Variants in ALKBH1 observed in about 807,000 individuals in gnomAD.
The protein encoded by ALKBH1 is nucleic acid dioxygenase ALKBH1.
In ALKBH1, 31 loss-of-function variants were observed where a neutral mutation model predicts 36.6. The observed-to-expected ratio is 0.85, with a 90% confidence interval of 0.64 to 1.14. The LOEUF is 1.14. Ranked by LOEUF, ALKBH1 falls within the 50% of genes most tolerant of loss-of-function variation. The pLI, the probability that ALKBH1 is intolerant of heterozygous loss-of-function variation, is 0.00. For missense variants in ALKBH1, 490 were observed against 497.3 expected (o/e 0.99, Z 0.14); for synonymous variants, 183 against 186.6 (o/e 0.98, Z 0.16).
At chr14:77,674,293 T>G in intron 5 of ALKBH1, 52 bp from the exon 6 acceptor site, 1 of 1,465,200 alleles carries the variant, frequency 6.8e-7, no homozygotes, top group Non-Finnish European at 9.0e-7. Flanking sequence ...AAATTTTGTT[T>G]ATTAACTATG....
At position 77,673,301 on chromosome 14, in the gene ALKBH1, T is replaced by C. The variant is rs1382787976; in HGVS notation, c.*511A>G. 6.5e-6 allele frequency: 1 copy of C among 155,032 alleles called. No individual in the cohort carries two copies. Among genetic ancestry groups the C allele is most frequent in the Non-Finnish European group, 1.4e-5 (1 of 69,732 alleles). 9.6% of individuals were successfully genotyped at this position (155,032 alleles called of 1,614,324 possible). On this transcript the variant is annotated 3_prime_UTR_variant, in exon 6 of 6. Transcript: ENST00000216489. ...TCCATTGTTTTCATGTGTAAAGGAT[T>C]CTTCCATGAGAGCCAGAGAGGTGGA...
intron 1 of ALKBH1, 111 bp downstream of exon 1, chr14:77,707,711 T>C (rs2080403610): frequency 7.9e-7 from 1 of 1,267,092 alleles, no homozygotes; most frequent in Non-Finnish European, 1.1e-6. Context: ...AGGTCAGGAA[T>C]CGTTCAATAA....
chr14:77,706,082 TACACACACATATATAC>T (rs1222153440), intron 1 of ALKBH1, among the ~76,000 whole-genome samples: 4 of 136,764 alleles, frequency 2.9e-5, no homozygotes, highest in African/African-American at 8.0e-5. Flanking sequence ...ATATTATATA[TACACACACATATATAC>T]ACACACACAT....
At chr14:77,689,105 T>C (rs2080284391) in intron 3 of ALKBH1, among the ~76,000 whole-genome samples, 1 of 152,238 alleles carries the variant, frequency 6.6e-6, no homozygotes, top group South Asian at 2.1e-4. Flanking sequence ...GCTATTCTCA[T>C]GTTTTTCATG....
intron 1 of ALKBH1, 119 bp downstream of exon 1, chr14:77,707,703 G>A (rs1207082625): frequency 4.2e-6 from 5 of 1,199,064 alleles, no homozygotes; most frequent in East Asian, 5.1e-5. Context: ...GCCAAAGGAG[G>A]TCAGGAATCG....
chr14:77,702,072 G>A (rs2080362362), intron 2 of ALKBH1, among the ~76,000 whole-genome samples: 1 of 152,206 alleles, frequency 6.6e-6, no homozygotes, highest in Non-Finnish European at 1.5e-5. Flanking sequence ...GTCAAGGCAG[G>A]TGGATCACCT....
chr14:77,703,411 C>A (rs2080370549), intron 2 of ALKBH1, among the ~76,000 whole-genome samples: 1 of 151,618 alleles, frequency 6.6e-6, no homozygotes, highest in Non-Finnish European at 1.5e-5. Context: ...CCCACCTCAG[C>A]CTGCCGAGTA....
chr14:77,694,809 T>C lies in ALKBH1; in HGVS notation c.384A>G (p.Val128=), dbSNP rs2080318090. The change falls in exon 3 of 6, where the codon GTA becomes GTG. Residue 128 remains valine, a synonymous_variant. Coordinates refer to ENST00000216489, the MANE Select transcript of ALKBH1 (RefSeq NM_006020.3). ...TAGACATGTGTTTGTCCAGGTTACATACATTAGGTTTCTGGGAATATAACT... is the reference window on the plus strand; with the variant it reads ...TAGACATGTGTTTGTCCAGGTTACACACATTAGGTTTCTGGGAATATAACT... The part of the protein sequence containing the change: ...CLKLYSQKPN[V]CNLDKHMSKE... The C allele has an allele frequency of 1.9e-6, 3 of 1,608,300 alleles. No individual in the cohort carries two copies. The highest frequency in any genetic ancestry group is 1.3e-5 in the African/African-American group (1 of 74,928).
rs531400844 is a variant in ALKBH1, at chr14:77,688,645, C to T, written c.455+6093G>A. On this transcript the variant is annotated intron_variant, in intron 3 of 5. Coordinates refer to ENST00000216489, the MANE Select transcript of ALKBH1 (RefSeq NM_006020.3). The stretch of plus-strand genomic sequence containing the variant: ...TTGGCTCACTGCAACCTCCACCTGC[C>T]GGGTTCAAGCGATTCTCCCACGTTC... Among the ~76,000 whole-genome samples, 168 of 151,362 alleles carry T rather than the reference C, an allele frequency of 1.1e-3. 3 individuals are homozygous for T. The South Asian group carries it at 0.033, about 30-fold the overall frequency.
intron 3 of ALKBH1, chr14:77,691,904 C>T (rs2080299055): frequency 6.6e-6 from 1 of 152,146 alleles, no homozygotes; most frequent in South Asian, 2.1e-4. Context: ...CTTCCTTTCC[C>T]CTGCTCTCAG....
Position 77,675,646 on chromosome 14 carries a change from AC to A in ALKBH1, c.740+9del. The A allele has an allele frequency of 1.3e-6, 2 of 1,588,730 alleles. No homozygotes were observed. The highest frequency in any genetic ancestry group is 1.7e-6 in the Non-Finnish European group (2 of 1,161,450). On this transcript the variant is annotated intron_variant, in intron 5 of 5. Transcript: ENST00000216489. Reference sequence around the variant, plus strand: ...TAAAAAGTAATCCCAAATCCCTGGAACTAACTCACCTGAATGACAGCAAGGG... The same window carrying A: ...TAAAAAGTAATCCCAAATCCCTGGAATAACTCACCTGAATGACAGCAAGGG...
chr14:77,684,333 T>C (rs967722870), intron 3 of ALKBH1, among the ~76,000 whole-genome samples: 2 of 152,128 alleles, frequency 1.3e-5, no homozygotes, highest in Non-Finnish European at 2.9e-5. Flanking sequence ...CGTCTGTTTC[T>C]TTCTAGCTCA....
At chr14:77,702,321 T>TAAAA (rs1381297350) in intron 2 of ALKBH1, among the ~76,000 whole-genome samples, 3 of 151,602 alleles carry the variant, frequency 2.0e-5, no homozygotes, top group African/African-American at 7.3e-5. Flanking sequence ...AATAAATAAA[T>TAAAA]AAAAATAAGT....
chr14:77,675,620 A>T lies in ALKBH1; in HGVS notation c.740+36T>A, dbSNP rs374669328. On this transcript the variant is annotated intron_variant, in intron 5 of 5. Coordinates refer to ENST00000216489, the MANE Select transcript of ALKBH1 (RefSeq NM_006020.3). ...ATGTCTTAGAAAAAAGAATTAAATG[A>T]TAAAAAGTAATCCCAAATCCCTGGA... The T allele has an allele frequency of 5.8e-6, 9 of 1,544,764 alleles. No homozygotes were observed. In the African/African-American group the frequency reaches 1.1e-4, roughly 19 times the overall value.
chr14:77,683,386 T>C, intron 3 of ALKBH1: 3 of 777,744 alleles, frequency 3.9e-6, no homozygotes, highest in Non-Finnish European at 4.6e-6. Context: ...GCTCTTAGAG[T>C]GCTTAATGTG....
intron 3 of ALKBH1, among the ~76,000 whole-genome samples, chr14:77,690,314 A>C (rs10139492): frequency 0.47 from 71,486 of 152,164 alleles, 17,032 homozygotes; most frequent in African/African-American, 0.5. Flanking sequence ...GCCAGGTCAT[A>C]TTGGCCTTAC....
rs553025788 is a variant in ALKBH1, at chr14:77,694,096, G to A, written c.455+642C>T. On this transcript the variant is annotated intron_variant, in intron 3 of 5. Coordinates refer to ENST00000216489, the MANE Select transcript of ALKBH1 (RefSeq NM_006020.3). ...TGCTCCCACAGTATTTTTCTAAACC[G>A]CATCATAACACTTTCTGAGCTCTAC... 2.1e-3 allele frequency among the ~76,000 whole-genome samples: 318 copies of A among 152,198 alleles called. 1 individual carries two copies. The highest frequency in any genetic ancestry group is 4.0e-3 in the Non-Finnish European group (269 of 68,014).
At position 77,679,941 on chromosome 14, in the gene ALKBH1, C is replaced by T. The variant is rs752250966; in HGVS notation, c.485G>A (p.Arg162Gln). Residue 162 changes from arginine to glutamine, a missense_variant, in exon 4 of 6, where the codon CGA becomes CAA. Arg to Gln is a conservative substitution (Grantham distance 43). Transcript: ENST00000216489. The part of the protein sequence containing the change: ...RYKEATKRRP[R>Q]SLLEKLRWVT... ...CCAACGCAGTTTCTCCAGTAAACTT[C>T]GGGGTCTCCGTTTAGTCGCTTCTTT... is the stretch of plus-strand genomic sequence containing the variant. 1.2e-5 allele frequency: 19 copies of T among 1,613,942 alleles called. No individual in the cohort carries two copies. The highest frequency in any genetic ancestry group is 1.4e-5 in the Non-Finnish European group (17 of 1,179,954).
intron 4 of ALKBH1, among the ~76,000 whole-genome samples, chr14:77,678,087 CA>C (rs11440428): frequency 4.0e-4 from 22 of 55,094 alleles, no homozygotes; most frequent in African/African-American, 1.5e-3. Flanking sequence ...ATATTATCAC[CA>C]AAAAAAAAAA....
Sources: allele counts gnomAD v4.1 joint callset (sites outside exome capture counted in the v4.1 genomes callset), GRCh38; gene constraint gnomAD v4.1.1; transcripts MANE v1.5; gene names NCBI Gene and HGNC (gene_info 2026-07-23, HGNC 2026-07-21).